Variants in TANC2 observed in about 807,000 individuals in gnomAD.
The protein encoded by TANC2 is tetratricopeptide repeat, ankyrin repeat and coiled-coil containing 2.
A neutral mutation model predicts 210.5 loss-of-function variants in TANC2; 26 were observed. The ratio of observed to expected loss-of-function variants is 0.12; its 90% CI spans 0.09 to 0.17. TANC2 has a LOEUF of 0.17. Ranked by LOEUF, TANC2 falls within the 10% of genes least tolerant of loss-of-function variation. The pLI is 1.00. For missense variants in TANC2, 2,129 were observed against 2,608.9 expected, an observed-to-expected ratio of 0.82 and a Z score of 4.01; for synonymous variants, 931 against 967.1, an observed-to-expected ratio of 0.96 and a Z score of 0.69.
intron 2 of TANC2, among the ~76,000 whole-genome samples, chr17:63,031,280 C>T (rs928525617): frequency 7.2e-5 from 11 of 152,154 alleles, no homozygotes; most frequent in Middle Eastern, 3.4e-3. Flanking sequence ...CAGGTTTTTC[C>T]AAACTCAAGT....
intron 7 of TANC2, among the ~76,000 whole-genome samples, chr17:63,216,656 C>T (rs572085373): frequency 3.4e-4 from 52 of 152,198 alleles, no homozygotes; most frequent in East Asian, 1.9e-4. Context: ...TCATATGAAT[C>T]GTAGGGCACC....
At position 63,123,731 on chromosome 17, in the gene TANC2, G is replaced by T. The variant is rs548517840; in HGVS notation, c.322+24374G>T. Reference sequence around the variant, plus strand: ...TGAGATGGAGCCTCGCTGTCACCCAGGCTAGAGTCCAGTGACACTATCTTG... The same window carrying T: ...TGAGATGGAGCCTCGCTGTCACCCATGCTAGAGTCCAGTGACACTATCTTG... On this transcript the variant is annotated intron_variant, in intron 4 of 27. Transcript: ENST00000689528. Among the ~76,000 whole-genome samples the T allele has an allele frequency of 8.6e-5, 11 of 127,194 alleles. No individual in the cohort carries two copies. The South Asian group carries it at 2.9e-3, about 34-fold the overall frequency. The allele number at this position is 127,194 out of a possible 152,430, so 83.4% of individuals were successfully genotyped here. A position where few individuals can be genotyped will look rare whatever the true frequency, so the allele number is the denominator to read the frequency against.
intron 1 of TANC2, among the ~76,000 whole-genome samples, chr17:62,973,416 A>AG (rs766448574): frequency 4.2e-4 from 64 of 152,292 alleles, no homozygotes; most frequent in Non-Finnish European, 8.1e-4. Context: ...TCATCTTTTC[A>AG]GCATCAGTAT....
In TANC2 at chr17:63,421,624, C is replaced by T; in HGVS notation, c.5894C>T (p.Ser1965Phe). The change falls in exon 28 of 28, where the codon TCT becomes TTT. Residue 1965 changes from serine (S) to phenylalanine (F), a missense_variant. This residue lies in a region of TANC2 where 161 missense variants were observed against 178.6 expected (regional missense o/e 0.90). Coordinates refer to ENST00000689528, the Ensembl canonical transcript of TANC2. This position sits in a 1 kb window ranked among gnomAD's most constrained non-coding sequence, Gnocchi z 6.9. ...GTGGACACCGTCCTCAGTCCCACGTCTCCAGGCAACCTGCCTCAGCCTGAG... is the reference window on the plus strand; with the variant it reads ...GTGGACACCGTCCTCAGTCCCACGTTTCCAGGCAACCTGCCTCAGCCTGAG... 1 of 1,614,050 alleles carries T rather than the reference C, an allele frequency of 6.2e-7. No homozygotes were observed. Among genetic ancestry groups the T allele is most frequent in the Non-Finnish European group, 8.5e-7 (1 of 1,179,882 alleles).
rs562522224 is a variant in TANC2 at position 63,361,541 on chromosome 17, G to A, written c.2582+6151G>A. 1.6e-4 allele frequency among the ~76,000 whole-genome samples: 25 copies of A among 152,346 alleles called. No homozygotes were observed. The South Asian group carries it at 2.5e-3, about 15-fold the overall frequency. Reference sequence around the variant, plus strand: ...CGCAGCTTCCACTGCAGGCAACCACGTCTGGACAAGGGGAATGCGGTGGCA... The same window carrying A: ...CGCAGCTTCCACTGCAGGCAACCACATCTGGACAAGGGGAATGCGGTGGCA... On this transcript the variant is annotated intron_variant, in intron 14 of 27. Transcript: ENST00000689528.
At chr17:63,044,203 C>T (rs2035293646) in intron 2 of TANC2, among the ~76,000 whole-genome samples, 1 of 152,094 alleles carries the variant, frequency 6.6e-6, no homozygotes, top group Non-Finnish European at 1.5e-5. Flanking sequence ...CAGATGCACA[C>T]AGATATAGAT....
intron 7 of TANC2, among the ~76,000 whole-genome samples, chr17:63,211,445 T>G (rs2041881800): frequency 6.6e-6 from 1 of 152,058 alleles, no homozygotes; most frequent in Non-Finnish European, 1.5e-5. Flanking sequence ...TAATGATCAT[T>G]CTTACTATGA....
At chr17:63,058,380 A>G (rs994721802) in intron 2 of TANC2, among the ~76,000 whole-genome samples, 10 of 151,892 alleles carry the variant, frequency 6.6e-5, no homozygotes, top group African/African-American at 2.4e-4. Context: ...TTGTCTATTT[A>G]CTCTGTTGAT....
chr17:63,143,355 T>C (rs2039353158), intron 4 of TANC2, among the ~76,000 whole-genome samples: 1 of 152,186 alleles, frequency 6.6e-6, no homozygotes, highest in Non-Finnish European at 1.5e-5. Flanking sequence ...GTGGGGCCTT[T>C]GTTATGTCAC....
chr17:63,358,417 G>GTGTGTA (rs2046853862), intron 14 of TANC2, among the ~76,000 whole-genome samples: 1 of 145,570 alleles, frequency 6.9e-6, no homozygotes, highest in Non-Finnish European at 1.5e-5. Context: ...GTGTGTATGT[G>GTGTGTA]TGTGTGTATC....
At chr17:63,258,404 T>G (rs1474205684) in intron 8 of TANC2, among the ~76,000 whole-genome samples, 1 of 152,196 alleles carries the variant, frequency 6.6e-6, no homozygotes, top group Non-Finnish European at 1.5e-5. Context: ...TCTCTGTTAT[T>G]CTCCCTTTGA....
chr17:63,190,858 A>T (rs1340041583), intron 5 of TANC2, among the ~76,000 whole-genome samples: 2 of 152,168 alleles, frequency 1.3e-5, no homozygotes, highest in Admixed American at 1.3e-4. Flanking sequence ...TTTTTAAATC[A>T]CTTTCTCTGT....
chr17:63,013,942 G>A (rs2033992624), intron 2 of TANC2, among the ~76,000 whole-genome samples: 1 of 151,462 alleles, frequency 6.6e-6, no homozygotes, highest in South Asian at 2.1e-4. Context: ...TTATACAATT[G>A]ATAGACCATA....
chr17:63,195,501 C>A (rs1423996839), intron 6 of TANC2, among the ~76,000 whole-genome samples: 2 of 152,110 alleles, frequency 1.3e-5, no homozygotes, highest in East Asian at 3.8e-4. Flanking sequence ...ACTGCTATAC[C>A]CAAGTCCAAG....
At chr17:63,370,998 C>T (rs1196479941) in intron 14 of TANC2, among the ~76,000 whole-genome samples, 1 of 152,190 alleles carries the variant, frequency 6.6e-6, no homozygotes, top group African/African-American at 2.4e-5. Flanking sequence ...TCATAATTCT[C>T]GTCTCACTAG....
At chr17:63,265,804 C>G (rs35132419) in intron 8 of TANC2, among the ~76,000 whole-genome samples, 21,786 of 150,164 alleles carry the variant, frequency 0.15, 1,871 homozygotes, top group Middle Eastern at 0.21. Flanking sequence ...GTTACACTTT[C>G]TGTTTTTTTT....
At chr17:63,197,443 A>G (rs975777841) in intron 6 of TANC2, among the ~76,000 whole-genome samples, 2 of 152,192 alleles carry the variant, frequency 1.3e-5, no homozygotes, top group African/African-American at 4.8e-5. Flanking sequence ...AAGAAGTAGG[A>G]GGTCATGTTA....
intron 13 of TANC2, among the ~76,000 whole-genome samples, chr17:63,351,816 C>T (rs2046620303): frequency 6.6e-6 from 1 of 152,082 alleles, no homozygotes; most frequent in Admixed American, 6.6e-5. Context: ...TGGTTCCTCC[C>T]TCTGCTTCTA....
At chr17:63,216,088 G>T (rs1045584501) in intron 7 of TANC2, among the ~76,000 whole-genome samples, 7 of 151,910 alleles carry the variant, frequency 4.6e-5, no homozygotes, top group Non-Finnish European at 8.8e-5. Context: ...TTGCTCTGTT[G>T]CCCAAGCTGG....
Sources: allele counts gnomAD v4.1 joint callset (sites outside exome capture counted in the v4.1 genomes callset), GRCh38; gene constraint gnomAD v4.1.1; regional missense constraint gnomAD v4.1.1; non-coding constraint Gnocchi (gnomAD v3.1); transcripts MANE v1.5; gene names NCBI Gene and HGNC (gene_info 2026-07-23, HGNC 2026-07-21).